Variants in KCNMB2 observed in about 807,000 individuals in gnomAD.
KCNMB2 encodes potassium calcium-activated channel subfamily M regulatory beta subunit 2.
In KCNMB2, 9 loss-of-function variants were observed where a neutral mutation model predicts 24.5. The ratio of observed to expected loss-of-function variants is 0.37; its 90% CI spans 0.22 to 0.64. The LOEUF (loss-of-function observed/expected upper bound fraction) is 0.64. Among genes scored for constraint, KCNMB2 ranks in the 30% least tolerant of loss-of-function variants. The probability of loss-of-function intolerance (pLI) is 0.63; values close to 1 mark genes in which losing one functional copy is unlikely to be tolerated. For synonymous variants in KCNMB2, 109 were observed against 104.4 expected (o/e 1.04, Z -0.27); for missense variants, 226 against 284.3 (o/e 0.79, Z 1.47).
intron 1 of KCNMB2, among the ~76,000 whole-genome samples, chr3:178,805,826 C>T (rs1027336306): frequency 3.9e-5 from 6 of 151,986 alleles, no homozygotes; most frequent in East Asian, 3.9e-4. Flanking sequence ...TATGTAGAGA[C>T]GGGATCTTGC....
At position 178,683,704 on chromosome 3, in the gene KCNMB2, C is replaced by T. The variant is rs554223242; in HGVS notation, c.-67-123639C>T. Among the ~76,000 whole-genome samples the T allele has an allele frequency of 1.2e-3, 184 of 152,320 alleles. 1 individual carries two copies. The highest frequency in any genetic ancestry group is 4.2e-3 in the African/African-American group (175 of 41,584). On this transcript the variant is annotated intron_variant, in intron 1 of 4. Coordinates refer to ENST00000452583, the MANE Select transcript of KCNMB2 (RefSeq NM_181361.3). ...GCAGCCCAACCCTCAGTTTAACCTT[C>T]ACTCATCAACTGCTCCTGTTTGCTA... is the stretch of plus-strand genomic sequence containing the variant.
chr3:178,807,234 C>T, intron 1 of KCNMB2, 109 bp from the exon 2 acceptor site: 2 of 502,268 alleles, frequency 4.0e-6, no homozygotes, highest in Non-Finnish European at 7.0e-6. Context: ...TAATATGCAG[C>T]CGGGATTGAA....
At chr3:178,628,140 T>A (rs1719186557) in intron 1 of KCNMB2, among the ~76,000 whole-genome samples, 1 of 152,198 alleles carries the variant, frequency 6.6e-6, no homozygotes, top group South Asian at 2.1e-4. Context: ...ATCTTAGAGC[T>A]AGATTATTTT....
chr3:178,581,758 A>T (rs1169487204), intron 1 of KCNMB2, among the ~76,000 whole-genome samples: 1 of 152,206 alleles, frequency 6.6e-6, no homozygotes, highest in East Asian at 1.9e-4. Flanking sequence ...CAACAAACAT[A>T]TGAAAAAAAG....
At chr3:178,788,305 G>A (rs536963218) in intron 1 of KCNMB2, among the ~76,000 whole-genome samples, 1 of 152,240 alleles carries the variant, frequency 6.6e-6, no homozygotes, top group South Asian at 2.1e-4. Context: ...CATCAGTTGT[G>A]ATTATTCACT....
chr3:178,764,014 A>G (rs1712019190), intron 1 of KCNMB2, among the ~76,000 whole-genome samples: 1 of 152,188 alleles, frequency 6.6e-6, no homozygotes, highest in South Asian at 2.1e-4. Context: ...GGTAAGAAAC[A>G]AGGCTCAAGA....
At chr3:178,666,428 T>C (rs1720721099) in intron 1 of KCNMB2, among the ~76,000 whole-genome samples, 1 of 152,126 alleles carries the variant, frequency 6.6e-6, no homozygotes. Flanking sequence ...ATATAGTTAG[T>C]TGAATTTAAA....
At chr3:178,754,156 A>ATATATG (rs1482528580) in intron 1 of KCNMB2, among the ~76,000 whole-genome samples, 12 of 73,072 alleles carry the variant, frequency 1.6e-4, no homozygotes, top group Non-Finnish European at 4.9e-5. Context: ...CATTGTATAT[A>ATATATG]TATATATATA....
At chr3:178,694,127 G>T (rs527607200) in intron 1 of KCNMB2, among the ~76,000 whole-genome samples, 1 of 152,274 alleles carries the variant, frequency 6.6e-6, no homozygotes, top group South Asian at 2.1e-4. Context: ...CATGGCAGAA[G>T]CGGAAGCAAG....
At chr3:178,798,208 G>A (rs1458981313) in intron 1 of KCNMB2, among the ~76,000 whole-genome samples, 2 of 152,122 alleles carry the variant, frequency 1.3e-5, no homozygotes, top group African/African-American at 4.8e-5. Context: ...TCCTTGTCTT[G>A]TGCTGGTTTT....
At chr3:178,784,080 C>G (rs935211853) in intron 1 of KCNMB2, among the ~76,000 whole-genome samples, 3 of 152,170 alleles carry the variant, frequency 2.0e-5, no homozygotes, top group Non-Finnish European at 2.9e-5. Flanking sequence ...AAACAACTGT[C>G]TCTATTGGCT....
At chr3:178,650,658 C>T (rs1720081564) in intron 1 of KCNMB2, among the ~76,000 whole-genome samples, 1 of 152,088 alleles carries the variant, frequency 6.6e-6, no homozygotes, top group African/African-American at 2.4e-5. Context: ...CGAAAATCCT[C>T]AATAAAATAC....
At chr3:178,690,422 G>A (rs1721629736) in intron 1 of KCNMB2, among the ~76,000 whole-genome samples, 1 of 151,934 alleles carries the variant, frequency 6.6e-6, no homozygotes, top group Non-Finnish European at 1.5e-5. Flanking sequence ...ATGAACTGCT[G>A]ATTTAGGAGA....
At chr3:178,645,696 A>G (rs1186098776) in intron 1 of KCNMB2, among the ~76,000 whole-genome samples, 1 of 152,062 alleles carries the variant, frequency 6.6e-6, no homozygotes, top group Non-Finnish European at 1.5e-5. Context: ...CCAGCCACAG[A>G]GCCGGTTCTG....
At chr3:178,542,888 C>A (rs1230728565) in intron 1 of KCNMB2, among the ~76,000 whole-genome samples, 1 of 152,136 alleles carries the variant, frequency 6.6e-6, no homozygotes, top group Non-Finnish European at 1.5e-5. Context: ...GCCTGAGTCT[C>A]CCTTTCCTCA....
chr3:178,603,936 G>T (rs1372918647), intron 1 of KCNMB2, among the ~76,000 whole-genome samples: 1 of 152,132 alleles, frequency 6.6e-6, no homozygotes, highest in Non-Finnish European at 1.5e-5. Context: ...ACAGTTCAAA[G>T]CCCTGGAGCA....
intron 1 of KCNMB2, among the ~76,000 whole-genome samples, chr3:178,537,815 C>T (rs1484140679): frequency 6.6e-6 from 1 of 152,096 alleles, no homozygotes; most frequent in Non-Finnish European, 1.5e-5. Context: ...TCACAAACTC[C>T]GAGCTGTAAA....
intron 1 of KCNMB2, among the ~76,000 whole-genome samples, chr3:178,771,801 A>G (rs1373905063): frequency 6.6e-6 from 1 of 151,988 alleles, no homozygotes; most frequent in Non-Finnish European, 1.5e-5. Context: ...CCTCACCACC[A>G]GATCCCTTAC....
chr3:178,687,035 C>G (rs1482138860), intron 1 of KCNMB2, among the ~76,000 whole-genome samples: 5 of 152,050 alleles, frequency 3.3e-5, no homozygotes, highest in Non-Finnish European at 7.4e-5. Flanking sequence ...CTTGAGCATG[C>G]TTGATTTAGA....
Sources: gnomAD v4.1 joint callset for allele counts (sites outside exome capture counted in the v4.1 genomes callset) on GRCh38, gnomAD v4.1.1 for gene constraint, MANE v1.5 for transcripts, NCBI Gene and HGNC (gene_info 2026-07-23, HGNC 2026-07-21) for gene names.